PATJ: variants seen among roughly 807,000 people sequenced by gnomAD.
The protein encoded by PATJ is PATJ crumbs cell polarity complex component, also known as inaD-like protein.
PATJ carries 190 observed loss-of-function variants against 224.9 expected under a neutral mutation model. That is an observed-to-expected ratio of 0.84 (90% CI 0.75 to 0.95). PATJ has a LOEUF of 0.95. Ranked by LOEUF, PATJ falls within the 40% of genes least tolerant of loss-of-function variation. The pLI, the probability that PATJ is intolerant of heterozygous loss-of-function variation, is 0.00. For synonymous variants in PATJ, 769 were observed against 820.3 expected, an observed-to-expected ratio of 0.94 and a Z score of 1.07; for missense variants, 2,121 against 2,270.3, an observed-to-expected ratio of 0.93 and a Z score of 1.34.
At chr1:62,072,760 A>AAAG (rs1657657770) in intron 31 of PATJ, 3 of 149,640 alleles carry the variant, frequency 2.0e-5, no homozygotes, top group Admixed American at 2.0e-4. Context: ...AAAAAAAAAA[A>AAAG]AAAAGAAGAA....
At chr1:61,940,844 A>G (rs1169382528) in intron 27 of PATJ, among the ~76,000 whole-genome samples, 1 of 152,116 alleles carries the variant, frequency 6.6e-6, no homozygotes, top group Non-Finnish European at 1.5e-5. Context: ...TAAGTTTAGC[A>G]AGATTGAATA....
chr1:61,981,405 A>T (rs11207882), intron 27 of PATJ, among the ~76,000 whole-genome samples: 38,168 of 151,860 alleles, frequency 0.25, 5,178 homozygotes, highest in East Asian at 0.45. Flanking sequence ...TTAGGTAGTA[A>T]GGGGGAGAAA....
At position 61,766,341 on chromosome 1, in the gene PATJ, G is replaced by A. The variant is rs1196029967; in HGVS notation, c.252G>A (p.Val84=). 1 of 1,611,172 alleles carries A rather than the reference G, an allele frequency of 6.2e-7. No homozygotes were observed. The highest frequency in any genetic ancestry group is 8.5e-7 in the Non-Finnish European group (1 of 1,178,392). Residue 84 remains valine, a synonymous_variant, in exon 4 of 44, where the codon GTG becomes GTA. Transcript: ENST00000642238. ...NFDFSRKGLL[V]FTDGSITNGN... The stretch of plus-strand genomic sequence containing the variant: ...ATTTTTCTAGGAAAGGTTTGTTAGT[G>A]TTCACAGATGGTTCCATCACTAATG...
chr1:61,759,819 A>C (rs990829391), intron 1 of PATJ, among the ~76,000 whole-genome samples: 9 of 152,180 alleles, frequency 5.9e-5, no homozygotes, highest in Admixed American at 2.0e-4. Flanking sequence ...TCAGAGTGAC[A>C]CTCAGAAGTA....
intron 31 of PATJ, among the ~76,000 whole-genome samples, chr1:62,059,616 CA>C (rs536875774): frequency 2.4e-4 from 32 of 134,008 alleles, no homozygotes; most frequent in Admixed American, 3.7e-4. Context: ...GACTCCATCT[CA>C]AAAAAAAAAA....
At chr1:62,033,549 A>G (rs1490544564) in intron 29 of PATJ, among the ~76,000 whole-genome samples, 1 of 152,206 alleles carries the variant, frequency 6.6e-6, no homozygotes, top group Non-Finnish European at 1.5e-5. Context: ...AATTTGCCCC[A>G]GACTGAGGCA....
At chr1:61,923,280 A>G (rs558030587) in intron 26 of PATJ, among the ~76,000 whole-genome samples, 1 of 152,324 alleles carries the variant, frequency 6.6e-6, no homozygotes, top group African/African-American at 2.4e-5. Flanking sequence ...TGCATCTTAG[A>G]TGCCAAGCAT....
At chr1:62,008,785 A>G (rs754032773) in intron 28 of PATJ, among the ~76,000 whole-genome samples, 3 of 152,172 alleles carry the variant, frequency 2.0e-5, no homozygotes, top group Non-Finnish European at 2.9e-5. Context: ...AATTGGAACA[A>G]CATAAATAAA....
chr1:61,901,918 C>T (rs139074347), intron 24 of PATJ, among the ~76,000 whole-genome samples: 4 of 152,162 alleles, frequency 2.6e-5, no homozygotes, highest in South Asian at 4.2e-4. Context: ...GCTCTGTGGG[C>T]GCTAAGTTTT....
chr1:61,766,395 G>T lies in PATJ; in HGVS notation c.306G>T (p.Ser102=). 3 of 1,612,560 alleles carry T rather than the reference G, an allele frequency of 1.9e-6. No homozygotes were observed. The highest frequency in any genetic ancestry group is 2.5e-6 in the Non-Finnish European group (3 of 1,179,258). ...ATGTCCACAGGCCCTCTAATAACTCGACTGTATCTGGGTTATTTCCGTGGA... is the reference window on the plus strand; with the variant it reads ...ATGTCCACAGGCCCTCTAATAACTCTACTGTATCTGGGTTATTTCCGTGGA... ...NGNVHRPSNN[S]TVSGLFPWTP... is the part of the protein sequence containing the mutation. The change falls in exon 4 of 44, where the codon TCG becomes TCT. Residue 102 remains serine (S), a synonymous_variant. Coordinates refer to ENST00000642238, the MANE Select transcript of PATJ (RefSeq NM_001350145.3).
At chr1:61,889,677 G>A (rs1029999490) in intron 22 of PATJ, among the ~76,000 whole-genome samples, 11 of 152,298 alleles carry the variant, frequency 7.2e-5, no homozygotes, top group East Asian at 1.9e-4. Context: ...CATATATAGC[G>A]TATGGATATG....
At chr1:61,995,239 C>G (rs1645286031) in intron 28 of PATJ, among the ~76,000 whole-genome samples, 1 of 152,090 alleles carries the variant, frequency 6.6e-6, no homozygotes, top group South Asian at 2.1e-4. Flanking sequence ...TGCTTTACCC[C>G]CTGACACTGT....
Position 62,160,939 on chromosome 1 carries a change from G to A in PATJ, c.5534G>A (p.Arg1845Gln), listed in dbSNP as rs369571797. Residue 1845 changes from arginine (R) to glutamine (Q), a missense_variant, in exon 44 of 44, where the codon CGA becomes CAA. Coordinates refer to ENST00000642238, the MANE Select transcript of PATJ (RefSeq NM_001350145.3). ...GAAADDGRLK[R>Q]GDQILAVNGE... ...GCTGCAGATGACGGCCGATTAAAACGAGGGGATCAGATTTTAGCTGTTAAT... is the reference window on the plus strand; with the variant it reads ...GCTGCAGATGACGGCCGATTAAAACAAGGGGATCAGATTTTAGCTGTTAAT... The A allele has an allele frequency of 3.7e-6, 6 of 1,614,006 alleles. No individual in the cohort carries two copies. The highest frequency in any genetic ancestry group is 1.3e-5 in the African/African-American group (1 of 75,042).
At chr1:61,841,993 A>G (rs1661170684) in intron 17 of PATJ, among the ~76,000 whole-genome samples, 1 of 152,120 alleles carries the variant, frequency 6.6e-6, no homozygotes, top group Non-Finnish European at 1.5e-5. Flanking sequence ...TGGTGTGCTC[A>G]TGGAGTGGAT....
rs143212185 is a variant in PATJ, at chr1:61,826,033, A to C, written c.1819-1389A>C. Among the ~76,000 whole-genome samples, 4 of 152,340 alleles carry C rather than the reference A, an allele frequency of 2.6e-5. No homozygotes were observed. In the East Asian group the frequency reaches 7.7e-4, roughly 29 times the overall value. On this transcript the variant is annotated intron_variant, in intron 15 of 43. Coordinates refer to ENST00000642238, the MANE Select transcript of PATJ (RefSeq NM_001350145.3). The stretch of plus-strand genomic sequence containing the variant: ...CAGTTATCCCAAGGAAAAACCTTTC[A>C]TCAACTGCTGAGCTTGCTGTCGCCT...
chr1:62,042,439 A>G (rs1651690146), intron 30 of PATJ, among the ~76,000 whole-genome samples: 1 of 152,058 alleles, frequency 6.6e-6, no homozygotes, highest in Admixed American at 6.6e-5. Context: ...TCCCCCTTAG[A>G]TGTTTCTATT....
At chr1:61,780,731 T>C (rs1321031324) in intron 7 of PATJ, among the ~76,000 whole-genome samples, 1 of 151,924 alleles carries the variant, frequency 6.6e-6, no homozygotes, top group Non-Finnish European at 1.5e-5. Flanking sequence ...TTAAACAAAA[T>C]CCAATAGGTT....
chr1:61,945,259 C>T (rs1032961975), intron 27 of PATJ, among the ~76,000 whole-genome samples: 1 of 152,100 alleles, frequency 6.6e-6, no homozygotes, highest in Non-Finnish European at 1.5e-5. Context: ...GCTAAATGCT[C>T]CAATTAAAAG....
At chr1:62,055,521 A>G (rs1214753145) in intron 31 of PATJ, among the ~76,000 whole-genome samples, 2 of 152,224 alleles carry the variant, frequency 1.3e-5, no homozygotes, top group East Asian at 1.9e-4. Context: ...ATGCCTCTGT[A>G]AAATGGGAGG....
Sources: allele counts gnomAD v4.1 joint callset (sites outside exome capture counted in the v4.1 genomes callset), GRCh38; gene constraint gnomAD v4.1.1; transcripts MANE v1.5; gene names NCBI Gene and HGNC (gene_info 2026-07-23, HGNC 2026-07-21).